The following SLC2A5 variants were observed in gnomAD, a reference collection of about 807,000 sequenced individuals.
SLC2A5 encodes the protein solute carrier family 2, facilitated glucose transporter member 5.
SLC2A5 carries 56 observed loss-of-function variants against 50.3 expected under a neutral mutation model. That is an observed-to-expected ratio of 1.11 (90% CI 0.90 to 1.39). The LOEUF is 1.39. SLC2A5 is among the 40% of genes most tolerant of loss of function. The pLI, the probability that SLC2A5 is intolerant of heterozygous loss-of-function variation, is 0.00. For missense variants in SLC2A5, 566 were observed against 650.1 expected, an observed-to-expected ratio of 0.87 and a Z score of 1.41; for synonymous variants, 269 against 281.9, an observed-to-expected ratio of 0.95 and a Z score of 0.46.
At chr1:9,038,136 C>G in intron 10 of SLC2A5, 112 bp from the exon 11 acceptor site, 1 of 1,306,730 alleles carries the variant, frequency 7.7e-7, no homozygotes, top group Non-Finnish European at 1.0e-6. Flanking sequence ...GTCTCCAGGA[C>G]TCTTGGGCAT....
Position 9,040,592 on chromosome 1 carries a change from A to G in SLC2A5, c.572-403T>C, listed in dbSNP as rs1019075233. 2.7e-5 allele frequency: 5 copies of G among 186,644 alleles called. No individual in the cohort carries two copies. The highest frequency in any genetic ancestry group is 2.2e-3 in the Middle Eastern group (1 of 452). 11.6% of individuals were successfully genotyped at this position (186,644 alleles called of 1,614,324 possible). On this transcript the variant is annotated intron_variant, in intron 5 of 11. Coordinates refer to ENST00000377424, the MANE Select transcript of SLC2A5 (RefSeq NM_003039.3). The surrounding 1 kb of genome is among the most constrained non-coding windows in gnomAD (Gnocchi z 4.3). ...AACTGGAATGGTCACGGCAGCTCTG[A>G]TTACAGAAAGGACACCAGAAACAGT... is the stretch of plus-strand genomic sequence containing the variant.
chr1:9,085,385 T>A (rs1642392059), intron 1 of SLC2A5, among the ~76,000 whole-genome samples: 1 of 152,216 alleles, frequency 6.6e-6, no homozygotes, highest in Non-Finnish European at 1.5e-5. Context: ...TCTTCCAGGC[T>A]ATAGGTAAAT....
At chr1:9,069,373 C>T in intron 1 of SLC2A5, 131 bp downstream of exon 1, 2 of 914,678 alleles carry the variant, frequency 2.2e-6, no homozygotes, top group Non-Finnish European at 3.4e-6. Context: ...CCCCCTCTCC[C>T]CACCATAATC....
At chr1:9,081,572 T>C (rs1160357982) in intron 2 of SLC2A5, among the ~76,000 whole-genome samples, 4 of 150,612 alleles carry the variant, frequency 2.7e-5, no homozygotes, top group African/African-American at 9.8e-5. Flanking sequence ...TATAAAGAAC[T>C]CTTACAACTC....
Position 9,047,664 on chromosome 1 carries a change from C to G in SLC2A5, c.364G>C (p.Ala122Pro). 4.3e-6 allele frequency: 7 copies of G among 1,613,954 alleles called. No homozygotes were observed. Among genetic ancestry groups the G allele is most frequent in the Non-Finnish European group, 5.9e-6 (7 of 1,179,882 alleles). ...ATAATGATAAGCTCAAATGATGTGG[C>G]GACTCTGCTGCATCCCATTAAGATC... ...PAILMGCSRV[A>P]TSFELIIISR... The change falls in exon 4 of 12, where the codon GCC becomes CCC. Residue 122 changes from alanine to proline, a missense_variant. By Grantham distance (27) the Ala-to-Pro change is conservative. Transcript: ENST00000377424.
chr1:9,066,988 AAAAAAAAAAAG>A (rs1642099416), intron 1 of SLC2A5, among the ~76,000 whole-genome samples: 1 of 151,764 alleles, frequency 6.6e-6, no homozygotes, highest in Non-Finnish European at 1.5e-5. Context: ...AAAATTAAAA[AAAAAAAAAAAG>A]GAAAAAGAAA....
chr1:9,050,313 G>A (rs1012496792), intron 3 of SLC2A5, among the ~76,000 whole-genome samples: 14 of 151,880 alleles, frequency 9.2e-5, no homozygotes, highest in Middle Eastern at 3.4e-3. Context: ...AATTTGCTGG[G>A]CACTATTGGT....
Position 9,069,573 on chromosome 1 carries a change from T to G in SLC2A5, c.-37A>C, listed in dbSNP as rs773246731. ...AAGGGCAGAGTGCCGCTCACCTCCTTTTAGCCAAAGTAACGCGTGCACTGA... is the reference window on the plus strand; with the variant it reads ...AAGGGCAGAGTGCCGCTCACCTCCTGTTAGCCAAAGTAACGCGTGCACTGA... On this transcript the variant is annotated 5_prime_UTR_variant, in exon 1 of 12. Coordinates refer to ENST00000377424, the MANE Select transcript of SLC2A5 (RefSeq NM_003039.3). 1.9e-5 allele frequency: 31 copies of G among 1,613,298 alleles called. No individual in the cohort carries two copies. The Admixed American group carries it at 4.5e-4, about 23-fold the overall frequency.
intron 2 of SLC2A5, among the ~76,000 whole-genome samples, chr1:9,080,691 A>T (rs1433352179): frequency 6.6e-6 from 1 of 152,216 alleles, no homozygotes; most frequent in African/African-American, 2.4e-5. Flanking sequence ...ACCACAGAAA[A>T]TGAGACCAGG....
chr1:9,093,718 CTCTATA>C, the SLC2A5 span, among the ~76,000 whole-genome samples: 2 of 152,284 alleles, frequency 1.3e-5, no homozygotes, highest in South Asian at 4.1e-4. Context: ...AACTAGAACG[CTCTATA>C]AACCTTACAC....
chr1:9,059,536 C>CTTTTTT (rs58395185), intron 1 of SLC2A5, among the ~76,000 whole-genome samples: 27 of 98,386 alleles, frequency 2.7e-4, no homozygotes, highest in African/African-American at 6.9e-4. Context: ...TACAGAGAAT[C>CTTTTTT]TTTTTTTTTT....
chr1:9,058,355 G>T (rs1641818436), intron 1 of SLC2A5, 105 bp from the exon 2 acceptor site: 7 of 783,264 alleles, frequency 8.9e-6, no homozygotes, highest in Non-Finnish European at 1.5e-5. Context: ...AAGATCCATA[G>T]TCTTGAGACT....
At chr1:9,042,585 T>C (rs2124326698) in intron 4 of SLC2A5, among the ~76,000 whole-genome samples, 2 of 148,070 alleles carry the variant, frequency 1.4e-5, no homozygotes, top group South Asian at 4.3e-4. Context: ...TATATATATA[T>C]ATGGCCTCTG....
rs748856047 is a variant in SLC2A5 at position 9,037,793 on chromosome 1, C to G, written c.1303-4G>C. On this transcript the variant is annotated splice_region_variant and splice_polypyrimidine_tract_variant and intron_variant, in intron 11 of 11. Coordinates refer to ENST00000377424, the MANE Select transcript of SLC2A5 (RefSeq NM_003039.3). The stretch of plus-strand genomic sequence containing the variant: ...AGCTGTACGGGCCGAGGCCCTCCTG[C>G]GGGAAGAGGGGCAGGTGACACGTGT... 1 of 1,614,074 alleles carries G rather than the reference C, an allele frequency of 6.2e-7. No homozygotes were observed.
chr1:9,083,119 ACT>A (rs755323001), intron 2 of SLC2A5, among the ~76,000 whole-genome samples: 1 of 152,182 alleles, frequency 6.6e-6, no homozygotes, highest in Non-Finnish European at 1.5e-5. Flanking sequence ...ACACCGCAAG[ACT>A]CTGTCTCAAA....
At chr1:9,057,226 C>T (rs1301820313) in intron 3 of SLC2A5, among the ~76,000 whole-genome samples, 9 of 143,638 alleles carry the variant, frequency 6.3e-5, no homozygotes, top group Non-Finnish European at 1.0e-4. Context: ...GCGGAGGTTG[C>T]GGTGAGCCAA....
chr1:9,069,705 T>A, upstream of SLC2A5: 1 of 678,960 alleles, frequency 1.5e-6, no homozygotes, highest in East Asian at 2.7e-5. Context: ...AACCTGGTCT[T>A]CCTTTCACTT....
chr1:9,037,796 G>A lies in SLC2A5; in HGVS notation c.1303-7C>T, dbSNP rs753146208. 1.2e-6 allele frequency: 2 copies of A among 1,614,136 alleles called. No individual in the cohort carries two copies. The highest frequency in any genetic ancestry group is 3.3e-5 in the Admixed American group (2 of 60,030). ...TGTACGGGCCGAGGCCCTCCTGCGG[G>A]AAGAGGGGCAGGTGACACGTGTGGG... is the stretch of plus-strand genomic sequence containing the variant. On this transcript the variant is annotated splice_region_variant and splice_polypyrimidine_tract_variant and intron_variant, in intron 11 of 11. Transcript: ENST00000377424.
chr1:9,039,790 C>A lies in SLC2A5; in HGVS notation c.885+10G>T. ...CCTCCCCAGCTCCCGAGCCGCAGCCCGGCCCATACAGCGTTGACGCCCGAC... is the reference window on the plus strand; with the variant it reads ...CCTCCCCAGCTCCCGAGCCGCAGCCAGGCCCATACAGCGTTGACGCCCGAC... On this transcript the variant is annotated intron_variant, in intron 7 of 11. Coordinates refer to ENST00000377424, the MANE Select transcript of SLC2A5 (RefSeq NM_003039.3). 1 of 1,541,314 alleles carries A rather than the reference C, an allele frequency of 6.5e-7. No homozygotes were observed. Among genetic ancestry groups the A allele is most frequent in the Non-Finnish European group, 8.7e-7 (1 of 1,144,128 alleles).
Sources: allele counts gnomAD v4.1 joint callset (sites outside exome capture counted in the v4.1 genomes callset), GRCh38; gene constraint gnomAD v4.1.1; non-coding constraint Gnocchi (gnomAD v3.1); transcripts MANE v1.5; gene names NCBI Gene and HGNC (gene_info 2026-07-23, HGNC 2026-07-21).